The following FAAH2 variants were observed in gnomAD, a reference collection of about 807,000 sequenced individuals.
The protein encoded by FAAH2 is fatty-acid amide hydrolase 2.
Under a neutral mutation model 36.9 loss-of-function variants are expected in FAAH2, and 60 were observed. That is an observed-to-expected ratio of 1.63 (90% CI 1.32 to 2.02). The LOEUF is 2.02. Ranked by LOEUF, FAAH2 falls within the 30% of genes most tolerant of loss-of-function variation. FAAH2 has a pLI of 0.00. For synonymous variants in FAAH2, 214 were observed against 143.8 expected (o/e 1.49, Z -3.49); for missense variants, 689 against 397.5 (o/e 1.73, Z -6.23).
At chrX:57,169,209 T>A in the FAAH2 span, among the ~76,000 whole-genome samples, 1 of 108,217 alleles carries the variant, frequency 9.2e-6, no homozygotes, top group African/African-American at 3.3e-5. Flanking sequence ...AATTTAAATT[T>A]AATTACATCC....
the FAAH2 span, among the ~76,000 whole-genome samples, chrX:57,213,307 G>T: frequency 9.0e-6 from 1 of 111,004 alleles, no homozygotes. Flanking sequence ...ACTTTGTATT[G>T]ATTTTTGTTC....
chrX:57,306,610 T>C (rs2052529780), intron 2 of FAAH2, among the ~76,000 whole-genome samples: 4 of 106,775 alleles, frequency 3.7e-5, no homozygotes, highest in Middle Eastern at 9.9e-3. Context: ...TTCTTTCTTT[T>C]AGTTGAACCT....
the FAAH2 span, among the ~76,000 whole-genome samples, chrX:57,200,133 T>A: frequency 9.0e-6 from 1 of 110,698 alleles, no homozygotes; most frequent in Non-Finnish European, 1.9e-5. Context: ...ATTTTGCTAT[T>A]TGTTTTCTTA....
At chrX:57,262,738 G>A in the FAAH2 span, among the ~76,000 whole-genome samples, 4 of 111,333 alleles carry the variant, frequency 3.6e-5, no homozygotes, top group Admixed American at 2.9e-4. Context: ...ATACAATTTA[G>A]CAATATATTA....
At chrX:57,354,228 T>C (rs1353082479) in intron 5 of FAAH2, among the ~76,000 whole-genome samples, 1 of 111,180 alleles carries the variant, frequency 9.0e-6, no homozygotes, top group Non-Finnish European at 1.9e-5. Context: ...AATTGTGGTA[T>C]ATATACACAA....
At chrX:57,324,234 G>T (rs1469390440) in intron 3 of FAAH2, among the ~76,000 whole-genome samples, 1 of 111,802 alleles carries the variant, frequency 8.9e-6, no homozygotes, top group Non-Finnish European at 1.9e-5. Flanking sequence ...TGCTGTTTTG[G>T]TTACTGTAGC....
chrX:57,253,197 C>T, the FAAH2 span, among the ~76,000 whole-genome samples: 2 of 108,206 alleles, frequency 1.8e-5, no homozygotes, highest in East Asian at 5.8e-4. Context: ...GAAATAAAGC[C>T]AGAAGACAAG....
chrX:57,163,308 C>CT, the FAAH2 span, among the ~76,000 whole-genome samples: 147 of 111,040 alleles, frequency 1.3e-3, no homozygotes, highest in African/African-American at 4.5e-3. Flanking sequence ...TTACTGCTGT[C>CT]TTTTTTTTTG....
chrX:57,303,279 GA>G (rs2052430654), intron 2 of FAAH2, among the ~76,000 whole-genome samples: 1 of 111,713 alleles, frequency 9.0e-6, no homozygotes, highest in Non-Finnish European at 1.9e-5. Flanking sequence ...ACTTGTTGAA[GA>G]AATAGCTGCT....
intron 10 of FAAH2, among the ~76,000 whole-genome samples, chrX:57,470,023 C>T (rs1288657821): frequency 9.0e-6 from 1 of 111,675 alleles, no homozygotes; most frequent in East Asian, 2.8e-4. Context: ...GAAATGAAGG[C>T]AGAAATAAAG....
chrX:57,298,980 A>T (rs1569239357), intron 2 of FAAH2, among the ~76,000 whole-genome samples: 2 of 111,598 alleles, frequency 1.8e-5, no homozygotes, highest in Non-Finnish European at 3.8e-5. Context: ...CCAACCAAAA[A>T]AAGTCCAGGA....
intron 8 of FAAH2, among the ~76,000 whole-genome samples, chrX:57,443,230 C>T (rs189051322): frequency 8.8e-4 from 99 of 111,926 alleles, no homozygotes; most frequent in African/African-American, 2.7e-3. Flanking sequence ...CCATTCTCAC[C>T]GTCACTTTCA....
intron 10 of FAAH2, among the ~76,000 whole-genome samples, chrX:57,474,993 C>T (rs2057238886): frequency 9.0e-6 from 1 of 111,720 alleles, no homozygotes; most frequent in Non-Finnish European, 1.9e-5. Flanking sequence ...GTATAAATGT[C>T]TTCTTTTGAG....
chrX:57,287,818 G>C (rs538905693), intron 1 of FAAH2, among the ~76,000 whole-genome samples: 3 of 111,192 alleles, frequency 2.7e-5, no homozygotes, highest in South Asian at 3.8e-4. Context: ...TTTCGTCATT[G>C]CTTTATTTCC....
At chrX:57,439,042 G>T (rs2056483525) in intron 8 of FAAH2, among the ~76,000 whole-genome samples, 1 of 110,737 alleles carries the variant, frequency 9.0e-6, no homozygotes, top group East Asian at 2.9e-4. Context: ...CGCTATTGCA[G>T]ATAGTGACAC....
Position 57,454,256 on chromosome X carries a change from G to T in FAAH2, c.1423+5538G>T, listed in dbSNP as rs752885327. On this transcript the variant is annotated intron_variant, in intron 10 of 10. Transcript: ENST00000374900. ...GAAAACTAAGGAAAAGATCCAGCCAGAAATAAACATTCTGTACAAAGTCAT... is the reference window on the plus strand; with the variant it reads ...GAAAACTAAGGAAAAGATCCAGCCATAAATAAACATTCTGTACAAAGTCAT... 3.6e-5 allele frequency among the ~76,000 whole-genome samples: 4 copies of T among 112,508 alleles called. No individual in the cohort carries two copies. The South Asian group carries it at 1.5e-3, about 41-fold the overall frequency.
chrX:57,274,456 A>G, the FAAH2 span, among the ~76,000 whole-genome samples: 1 of 112,180 alleles, frequency 8.9e-6, no homozygotes, highest in Non-Finnish European at 1.9e-5. Context: ...CAACAAAAAG[A>G]GAAAACTTCA....
chrX:57,171,286 T>C, the FAAH2 span, among the ~76,000 whole-genome samples: 1 of 111,801 alleles, frequency 8.9e-6, no homozygotes, highest in Non-Finnish European at 1.9e-5. Flanking sequence ...GTAGTGGGAT[T>C]GCTGGATCAA....
chrX:57,257,313 C>T, the FAAH2 span, among the ~76,000 whole-genome samples: 4 of 111,992 alleles, frequency 3.6e-5, no homozygotes, highest in Non-Finnish European at 7.5e-5. Context: ...CAGTGATAGA[C>T]TGGATTAAGA....
Sources: gnomAD v4.1 joint callset for allele counts (sites outside exome capture counted in the v4.1 genomes callset) on GRCh38, gnomAD v4.1.1 for gene constraint, MANE v1.5 for transcripts, NCBI Gene and HGNC (gene_info 2026-07-23, HGNC 2026-07-21) for gene names.